Variants in UBXN2B observed in about 807,000 individuals in gnomAD.
The protein encoded by UBXN2B is UBX domain protein 2B.
In UBXN2B, 19 loss-of-function variants were observed where a neutral mutation model predicts 37.5. The ratio of observed to expected loss-of-function variants is 0.51; its 90% CI spans 0.35 to 0.74. UBXN2B has a LOEUF of 0.74. Among genes scored for constraint, UBXN2B ranks in the 30% least tolerant of loss-of-function variants. The pLI, the probability that UBXN2B is intolerant of heterozygous loss-of-function variation, is 0.01. For synonymous variants in UBXN2B, 145 were observed against 143.8 expected, an observed-to-expected ratio of 1.01 and a Z score of -0.06; for missense variants, 370 against 393.2, an observed-to-expected ratio of 0.94 and a Z score of 0.50.
intron 5 of UBXN2B, chr8:58,435,089 T>C: frequency 7.0e-7 from 1 of 1,429,832 alleles, no homozygotes; most frequent in Non-Finnish European, 9.1e-7. Context: ...AAAGCTTTTC[T>C]GTGTTATGAT....
At chr8:58,423,207 G>A (rs1417182517) in intron 2 of UBXN2B, among the ~76,000 whole-genome samples, 1 of 152,080 alleles carries the variant, frequency 6.6e-6, no homozygotes, top group Non-Finnish European at 1.5e-5. Flanking sequence ...GAGCTCTTGG[G>A]AGCTCTGAGC....
At chr8:58,417,083 C>G (rs1045382926) in intron 2 of UBXN2B, 130 bp downstream of exon 2, 5 of 671,652 alleles carry the variant, frequency 7.4e-6, no homozygotes, top group Non-Finnish European at 1.1e-5. Flanking sequence ...ATTCCAAGAT[C>G]GAGGCAGATT....
In UBXN2B at chr8:58,447,845, C is replaced by A; in HGVS notation, c.*294C>A. ...GTGTTAATGTAACAACATTTGTTTG[C>A]AGAGAAAAATGAACAAAACCCCTTT... On this transcript the variant is annotated 3_prime_UTR_variant, in exon 8 of 8. Transcript: ENST00000399598. The A allele has an allele frequency of 4.6e-6, 1 of 216,982 alleles. No homozygotes were observed. The allele number at this position is 216,982 out of a possible 1,614,324, so 13.4% of individuals were successfully genotyped here. A position where few individuals can be genotyped will look rare whatever the true frequency, so the allele number is the denominator to read the frequency against.
rs1807635149 is a variant in UBXN2B at position 58,411,474 on chromosome 8, G to A, written c.84+5G>A. 2.4e-6 allele frequency: 3 copies of A among 1,250,844 alleles called. No individual in the cohort carries two copies. In the South Asian group the frequency reaches 1.1e-4, roughly 45 times the overall value. The allele number at this position is 1,250,844 out of a possible 1,614,324, so 77.5% of individuals were successfully genotyped here. A position where few individuals can be genotyped will look rare whatever the true frequency, so the allele number is the denominator to read the frequency against. On this transcript the variant is annotated splice_donor_5th_base_variant and intron_variant, in intron 1 of 7. Transcript: ENST00000399598. ...CCGAGCGCGCGGGATTTGCAGGTGA[G>A]GCGAGGAGCCGGGGGAGGGAGCGCG...
chr8:58,435,668 T>C (rs1460182257), intron 5 of UBXN2B, among the ~76,000 whole-genome samples: 1 of 152,240 alleles, frequency 6.6e-6, no homozygotes, highest in African/African-American at 2.4e-5. Context: ...TGTTCTGTTA[T>C]ATAGATAAAA....
At chr8:58,420,243 C>G (rs1807891017) in intron 2 of UBXN2B, among the ~76,000 whole-genome samples, 1 of 152,116 alleles carries the variant, frequency 6.6e-6, no homozygotes, top group South Asian at 2.1e-4. Flanking sequence ...GATAATACAG[C>G]TTTGCAACTA....
chr8:58,431,623 T>C lies in UBXN2B; in HGVS notation c.339+954T>C, dbSNP rs867436513. On this transcript the variant is annotated intron_variant, in intron 3 of 7. Coordinates refer to ENST00000399598, the MANE Select transcript of UBXN2B (RefSeq NM_001077619.2). The stretch of plus-strand genomic sequence containing the variant: ...GTAGATCATACATTAAGTGTATGTT[T>C]AGTTTAAGAAACAGCCAAACTATTT... Among the ~76,000 whole-genome samples, 38 of 152,346 alleles carry C rather than the reference T, an allele frequency of 2.5e-4. 1 individual carries two copies. The highest frequency in any genetic ancestry group is 3.4e-3 in the Middle Eastern group (1 of 294).
At chr8:58,432,657 C>T (rs747276861) in intron 3 of UBXN2B, among the ~76,000 whole-genome samples, 5 of 152,260 alleles carry the variant, frequency 3.3e-5, no homozygotes, top group Middle Eastern at 3.4e-3. Flanking sequence ...GCTGGGATTA[C>T]GAGCATGAGC....
intron 1 of UBXN2B, among the ~76,000 whole-genome samples, chr8:58,415,664 A>G (rs1563455388): frequency 6.6e-6 from 1 of 152,048 alleles, no homozygotes; most frequent in African/African-American, 2.4e-5. Context: ...GTGATTTTTT[A>G]TAGGCATTTG....
intron 2 of UBXN2B, chr8:58,425,664 A>T: frequency 1.7e-6 from 2 of 1,162,744 alleles, no homozygotes; most frequent in African/African-American, 1.5e-5. Flanking sequence ...GGTCTCAGCT[A>T]ATTTGCTTAG....
chr8:58,432,819 G>C (rs1808317437), intron 3 of UBXN2B, among the ~76,000 whole-genome samples: 1 of 152,086 alleles, frequency 6.6e-6, no homozygotes, highest in Non-Finnish European at 1.5e-5. Flanking sequence ...CATTTGGGGA[G>C]GTTATCTAAA....
intron 2 of UBXN2B, chr8:58,424,618 GC>G: frequency 1.7e-6 from 2 of 1,152,228 alleles, no homozygotes; most frequent in Non-Finnish European, 1.3e-6. Flanking sequence ...GTTGCATCAG[GC>G]CCACGTTTTC....
chr8:58,444,701 C>T (rs1258912449), intron 6 of UBXN2B, among the ~76,000 whole-genome samples: 1 of 152,040 alleles, frequency 6.6e-6, no homozygotes, highest in Non-Finnish European at 1.5e-5. Context: ...TTACTTAGGC[C>T]CTCAATTCCA....
rs1202423081 is a variant in UBXN2B at position 58,447,647 on chromosome 8, A to G, written c.*96A>G. 9 of 1,213,464 alleles carry G rather than the reference A, an allele frequency of 7.4e-6. No individual in the cohort carries two copies. Among genetic ancestry groups the G allele is most frequent in the African/African-American group, 1.5e-5 (1 of 65,068 alleles). The allele number at this position is 1,213,464 out of a possible 1,614,324, so 75.2% of individuals were successfully genotyped here. On this transcript the variant is annotated 3_prime_UTR_variant, in exon 8 of 8. Coordinates refer to ENST00000399598, the MANE Select transcript of UBXN2B (RefSeq NM_001077619.2). ...CATTAAAAACAGCCAAATTATTTTT[A>G]TTATTTTTACAGATAAATTTTGGTT...
At position 58,433,197 on chromosome 8, in the gene UBXN2B, T is replaced by C. The variant is rs756167679; in HGVS notation, c.377T>C (p.Phe126Ser). The stretch of plus-strand genomic sequence containing the variant: ...GGAGGATACAGATTGGGTAGTTCTT[T>C]TTGTAAGCGGTCTGAATATATCTAT... Reference protein sequence around the residue: ...TGGGYRLGSSFCKRSEYIYGE... With the variant: ...TGGGYRLGSSSCKRSEYIYGE... Residue 126 changes from phenylalanine (F) to serine (S), a missense_variant, in exon 4 of 8, where the codon TTT becomes TCT. Transcript: ENST00000399598. 3 of 1,613,294 alleles carry C rather than the reference T, an allele frequency of 1.9e-6. No homozygotes were observed. The highest frequency in any genetic ancestry group is 3.3e-5 in the Admixed American group (2 of 59,970).
chr8:58,421,525 A>G (rs551430298), intron 2 of UBXN2B, among the ~76,000 whole-genome samples: 4 of 152,274 alleles, frequency 2.6e-5, no homozygotes, highest in Admixed American at 6.5e-5. Flanking sequence ...AGAAGTAGAC[A>G]AATACCATGT....
intron 4 of UBXN2B, 44 bp from the exon 5 acceptor site, chr8:58,434,350 TA>T: frequency 5.1e-6 from 1 of 194,288 alleles, no homozygotes; most frequent in Non-Finnish European, 8.4e-6. Context: ...TATATGTGAA[TA>T]TATATATATA....
At chr8:58,428,733 A>C (rs1808171274) in intron 2 of UBXN2B, among the ~76,000 whole-genome samples, 1 of 152,232 alleles carries the variant, frequency 6.6e-6, no homozygotes, top group East Asian at 1.9e-4. Context: ...GAGGACTTAC[A>C]CTGCTGCATG....
chr8:58,429,013 A>T (rs1046025897), intron 2 of UBXN2B, among the ~76,000 whole-genome samples: 2 of 152,242 alleles, frequency 1.3e-5, no homozygotes, highest in Non-Finnish European at 2.9e-5. Flanking sequence ...TTTCTGGAAG[A>T]AAATAGAATA....
Sources: gnomAD v4.1 joint callset for allele counts (sites outside exome capture counted in the v4.1 genomes callset) on GRCh38, gnomAD v4.1.1 for gene constraint, MANE v1.5 for transcripts, NCBI Gene and HGNC (gene_info 2026-07-23, HGNC 2026-07-21) for gene names.